The following ADGRG1 variants were observed in gnomAD, a reference collection of about 807,000 sequenced individuals.
The protein encoded by ADGRG1 is adhesion G protein-coupled receptor G1, also known as 7-transmembrane protein with no EGF-like N-terminal domains-1.
ADGRG1 carries 53 observed loss-of-function variants against 73.5 expected under a neutral mutation model. The ratio of observed to expected loss-of-function variants is 0.72; its 90% confidence interval spans 0.58 to 0.91. The LOEUF is 0.91. Ranked by LOEUF, ADGRG1 falls within the 40% of genes least tolerant of loss-of-function variation. The pLI is 0.00. For synonymous variants in ADGRG1, 394 were observed against 374.4 expected (o/e 1.05, Z -0.60); for missense variants, 795 against 871.8 (o/e 0.91, Z 1.11).
At chr16:57,629,561 G>C (rs1482576240) in intron 1 of ADGRG1, 1 of 152,232 alleles carries the variant, frequency 6.6e-6, no homozygotes. Flanking sequence ...TGTCCCTGGG[G>C]CTGGGTCCGG....
chr16:57,621,184 T>G (rs1420275137), intron 1 of ADGRG1: 1 of 152,156 alleles, frequency 6.6e-6, no homozygotes, highest in Non-Finnish European at 1.5e-5. Flanking sequence ...AGTGGCTTCA[T>G]CATTGCTCCA....
intron 1 of ADGRG1, chr16:57,639,382 G>T (rs1319585224): frequency 1.0e-6 from 1 of 985,240 alleles, no homozygotes; most frequent in East Asian, 1.1e-4. Flanking sequence ...GCCAACGGTT[G>T]CCAGGGCAAC....
At chr16:57,631,342 C>T (rs946676233) in intron 1 of ADGRG1, 10 of 985,570 alleles carry the variant, frequency 1.0e-5, no homozygotes, top group Non-Finnish European at 1.2e-5. Flanking sequence ...ATGCGGGTTC[C>T]GCCATCCTGT....
chr16:57,628,263 C>A, upstream of ADGRG1: 1 of 845,208 alleles, frequency 1.2e-6, no homozygotes, highest in Non-Finnish European at 1.4e-6. Context: ...CGGACAGCAT[C>A]CAAGGGCCCT....
At chr16:57,632,602 G>A (rs1295213061) in intron 1 of ADGRG1, among the ~76,000 whole-genome samples, 1 of 152,164 alleles carries the variant, frequency 6.6e-6, no homozygotes, top group East Asian at 1.9e-4. Context: ...GGAGAGCTGC[G>A]GCCACCTGGA....
intron 10 of ADGRG1, among the ~76,000 whole-genome samples, chr16:57,657,835 G>C (rs780120931): frequency 6.6e-6 from 1 of 151,890 alleles, no homozygotes; most frequent in Non-Finnish European, 1.5e-5. Flanking sequence ...TCTGCCTCCC[G>C]GGTTCAAGTG....
In ADGRG1 at chr16:57,653,896, CTCTG is replaced by C. The variant is rs576987454; in HGVS notation, c.621-85_621-82del. On this transcript the variant is annotated intron_variant, in intron 4 of 13. Coordinates refer to ENST00000562631, the MANE Select transcript of ADGRG1 (RefSeq NM_201525.4). ...CTCTGCCTCTGCCTCTTCCCTGTGT[CTCTG>C]TCTGAGTCTCTCGTCCTCCTGCCTC... 3,846 of 1,603,736 alleles carry C rather than the reference CTCTG, an allele frequency of 2.4e-3. 11 individuals carry two copies. Among genetic ancestry groups the C allele is most frequent in the Non-Finnish European group, 3.1e-3 (3,663 of 1,178,874 alleles).
intron 8 of ADGRG1, 75 bp downstream of exon 8, chr16:57,656,346 G>A: frequency 6.2e-7 from 1 of 1,611,704 alleles, no homozygotes; most frequent in South Asian, 1.1e-5. Context: ...GGGGAGGTGG[G>A]GTTAATCACC....
rs1057517949 is a variant in ADGRG1, at chr16:57,654,035, GA to G, written c.671del (p.Asp224AlafsTer99). The G allele has an allele frequency of 3.1e-6, 5 of 1,614,116 alleles. No individual in the cohort carries two copies. Among genetic ancestry groups the G allele is most frequent in the Non-Finnish European group, 3.4e-6 (4 of 1,180,026 alleles). On this transcript the variant is annotated frameshift_variant, in exon 5 of 14. Transcript: ENST00000562631. LOFTEE classifies it high-confidence loss of function. ...ACTGACCTCTGTGAGATTCATGGGG[GA>G]CATGGTGTCCTTCGAGGAGGACCGG... ...SKLTSVRFMG[D>X]MVSFEEDRIN...
upstream of ADGRG1, chr16:57,625,774 C>T: frequency 2.3e-6 from 1 of 440,736 alleles, no homozygotes; most frequent in Non-Finnish European, 3.0e-6. Flanking sequence ...TGATTTAAGC[C>T]CAAACTCTAC....
At position 57,655,910 on chromosome 16, in the gene ADGRG1, T is replaced by G. The variant is rs1220401259; in HGVS notation, c.935T>G (p.Val312Gly). The change falls in exon 7 of 14, where the codon GTC becomes GGC. Residue 312 changes from valine to glycine, a missense_variant. Physicochemically the swap from Val to Gly is moderately radical, Grantham distance 109. Transcript: ENST00000562631. ...KNSSQVLGEK[V>G]LGIVVQNTKV... ...TCCAGCCAAGTCCTGGGTGAGAAGGTCTTGGGGATTGTGGTACAGAACACC... is the reference window on the plus strand; with the variant it reads ...TCCAGCCAAGTCCTGGGTGAGAAGGGCTTGGGGATTGTGGTACAGAACACC... The G allele has an allele frequency of 6.2e-7, 1 of 1,614,060 alleles. No homozygotes were observed. Among genetic ancestry groups the G allele is most frequent in the Admixed American group, 1.7e-5 (1 of 60,022 alleles).
At chr16:57,635,218 A>G (rs1271081777) in intron 1 of ADGRG1, 1 of 985,238 alleles carries the variant, frequency 1.0e-6, no homozygotes. Flanking sequence ...GCCTAGAGCC[A>G]TGGGCAGTGG....
chr16:57,628,979 A>C (rs1427865882), intron 1 of ADGRG1, 177 bp downstream of exon 1: 12 of 294,170 alleles, frequency 4.1e-5, no homozygotes, highest in East Asian at 3.9e-4. Context: ...AGTGTGTGAG[A>C]GTGAGTGAGA....
At position 57,650,252 on chromosome 16, in the gene ADGRG1, G is replaced by A. The variant is rs1597441415; in HGVS notation, c.-35-1G>A. The A allele has an allele frequency of 2.5e-6, 4 of 1,605,974 alleles. No individual in the cohort carries two copies. The Admixed American group carries it at 6.7e-5, about 27-fold the overall frequency. Reference sequence around the variant, plus strand: ...CAGCTAACACTCCTGGTCTCTTCCAGGTGGTGACTTCCAAGAGTGACTCCG... The same window carrying A: ...CAGCTAACACTCCTGGTCTCTTCCAAGTGGTGACTTCCAAGAGTGACTCCG... On this transcript the variant is annotated splice_acceptor_variant, in intron 1 of 13. Coordinates refer to ENST00000562631, the MANE Select transcript of ADGRG1 (RefSeq NM_201525.4). LOFTEE classifies it low-confidence loss of function (5UTR_SPLICE).
chr16:57,640,001 GC>G, intron 1 of ADGRG1: 1 of 270,822 alleles, frequency 3.7e-6, no homozygotes, highest in Non-Finnish European at 5.7e-6. Flanking sequence ...CGTCCCTGCA[GC>G]CCAGCCCTTG....
intron 1 of ADGRG1, chr16:57,639,260 C>T: frequency 2.0e-6 from 2 of 985,502 alleles, no homozygotes; most frequent in Non-Finnish European, 2.4e-6. Flanking sequence ...CTCCTGCCAG[C>T]TCCCTGTCTG....
chr16:57,653,478 G>A, intron 4 of ADGRG1, 143 bp downstream of exon 4: 2 of 1,485,918 alleles, frequency 1.3e-6, no homozygotes, highest in Admixed American at 2.2e-5. Flanking sequence ...TCTGCCTTCT[G>A]GGAGTCAACA....
rs186479054 is a variant in ADGRG1, at chr16:57,656,000, G to A, written c.1017+8G>A. ...CAGCACCAGCTACAGCCGGTGAGTG[G>A]GGGCCAGCCATCAAGAGAACAAGCG... On this transcript the variant is annotated splice_region_variant and intron_variant, in intron 7 of 13. Transcript: ENST00000562631. 4,733 of 1,614,018 alleles carry A rather than the reference G, an allele frequency of 2.9e-3. 11 individuals are homozygous for A. The highest frequency in any genetic ancestry group is 3.4e-3 in the Non-Finnish European group (3,971 of 1,180,022).
intron 1 of ADGRG1, chr16:57,639,342 G>C (rs1297498683): frequency 1.0e-6 from 1 of 985,388 alleles, no homozygotes; most frequent in Non-Finnish European, 1.2e-6. Context: ...TGCTGGGTCT[G>C]AGCCGGGGTG....
Sources: gnomAD v4.1 joint callset for allele counts (sites outside exome capture counted in the v4.1 genomes callset) on GRCh38, gnomAD v4.1.1 for gene constraint, MANE v1.5 for transcripts, NCBI Gene and HGNC (gene_info 2026-07-23, HGNC 2026-07-21) for gene names.